SH3RF1: variants seen among roughly 807,000 people sequenced by gnomAD.
SH3RF1 encodes SH3 domain containing ring finger 1.
A neutral mutation model predicts 74.0 loss-of-function variants in SH3RF1; 32 were observed. The ratio of observed to expected loss-of-function variants is 0.43; its 90% confidence interval spans 0.33 to 0.58. The LOEUF is 0.58. SH3RF1 is among the 20% of genes least tolerant of loss of function. SH3RF1 has a pLI of 0.05. For missense variants in SH3RF1, 954 were observed against 1,130.9 expected (o/e 0.84, Z 2.24); for synonymous variants, 396 against 439.6 (o/e 0.90, Z 1.24).
rs867549760 is a variant in SH3RF1 at position 169,117,595 on chromosome 4, G to A, written c.1705C>T (p.Pro569Ser). ...VVSAAHIQTS[P>S]QAKVLLHMTG... ...ATGTGCAACAAGACCTTAGCCTGAG[G>A]ACTTGTCTGGATGTGAGCTGCTGAT... The change falls in exon 9 of 12, where the codon CCT becomes TCT. Residue 569 changes from proline (P) to serine (S), a missense_variant. Coordinates refer to ENST00000284637, the MANE Select transcript of SH3RF1 (RefSeq NM_020870.4). 5 of 1,614,100 alleles carry A rather than the reference G, an allele frequency of 3.1e-6. No homozygotes were observed. Among genetic ancestry groups the A allele is most frequent in the Middle Eastern group, 1.6e-4 (1 of 6,084 alleles).
chr4:169,178,658 G>A (rs1012116509), intron 2 of SH3RF1, among the ~76,000 whole-genome samples: 1 of 152,126 alleles, frequency 6.6e-6, no homozygotes, highest in African/African-American at 2.4e-5. Context: ...GGGATCTGAG[G>A]TGCCAAAATT....
intron 2 of SH3RF1, among the ~76,000 whole-genome samples, chr4:169,167,403 T>G (rs1734265594): frequency 6.6e-6 from 1 of 152,168 alleles, no homozygotes; most frequent in African/African-American, 2.4e-5. Context: ...TCTTATAAAG[T>G]TATATGTACA....
At position 169,269,083 on chromosome 4, in the gene SH3RF1, G is replaced by C; in HGVS notation, c.130C>G (p.Arg44Gly). ...CACTCGGGACATCTGAGTTCATTTC[G>C]AGAACCTACGATCCCCAGCAAACAT... ...KRCLLGIVGS[R>G]NELRCPECRT... Residue 44 changes from arginine to glycine, a missense_variant, in exon 2 of 12, where the codon CGA (arginine) becomes GGA (glycine). Physicochemically the swap from Arg to Gly is moderately radical, Grantham distance 125. Around this residue, in one of 3 missense-constraint regions of SH3RF1, gnomAD observed 64 missense variants for 101.9 expected, o/e 0.63. Transcript: ENST00000284637. 1 of 1,614,150 alleles carries C rather than the reference G, an allele frequency of 6.2e-7. No individual in the cohort carries two copies. The highest frequency in any genetic ancestry group is 8.5e-7 in the Non-Finnish European group (1 of 1,180,044).
chr4:169,160,855 C>T (rs1734139229), intron 2 of SH3RF1, among the ~76,000 whole-genome samples: 1 of 152,244 alleles, frequency 6.6e-6, no homozygotes, highest in Admixed American at 6.5e-5. Context: ...CCTTTTGCAA[C>T]ATCTGAAAGA....
intron 1 of SH3RF1, among the ~76,000 whole-genome samples, 182 bp from the exon 2 acceptor site, chr4:169,269,489 T>C (rs1434734270): frequency 1.3e-5 from 2 of 152,186 alleles, no homozygotes; most frequent in Non-Finnish European, 1.5e-5. Context: ...CAAAACAGGC[T>C]TTCTAAACAA....
At chr4:169,235,151 A>G (rs1268499927) in intron 2 of SH3RF1, among the ~76,000 whole-genome samples, 1 of 152,208 alleles carries the variant, frequency 6.6e-6, no homozygotes, top group Non-Finnish European at 1.5e-5. Context: ...TTAAAATAGA[A>G]TTCCTATAAT....
chr4:169,176,417 T>C (rs1272435411), intron 2 of SH3RF1, among the ~76,000 whole-genome samples: 1 of 152,236 alleles, frequency 6.6e-6, no homozygotes, highest in Non-Finnish European at 1.5e-5. Context: ...ACATGTTCAA[T>C]AACAGAAATA....
At chr4:169,112,048 A>G (rs1222952327) in intron 10 of SH3RF1, among the ~76,000 whole-genome samples, 1 of 152,220 alleles carries the variant, frequency 6.6e-6, no homozygotes, top group African/African-American at 2.4e-5. Context: ...CAGCAGCAGT[A>G]ACCCACTGCA....
In SH3RF1 at chr4:169,096,235, C is replaced by T; in HGVS notation, c.*284G>A. On this transcript the variant is annotated 3_prime_UTR_variant, in exon 12 of 12. Coordinates refer to ENST00000284637, the MANE Select transcript of SH3RF1 (RefSeq NM_020870.4). ...TTAGTTAAGCCTTGTAAACAATTGT[C>T]CATTTTAGTCATATATCTTAAAAAA... 3.3e-6 allele frequency: 1 copy of T among 306,396 alleles called. No homozygotes were observed. The highest frequency in any genetic ancestry group is 5.9e-6 in the Non-Finnish European group (1 of 169,032). The allele number at this position is 306,396 out of a possible 1,614,324, so 19.0% of individuals were successfully genotyped here. A position where few individuals can be genotyped will look rare whatever the true frequency, so the allele number is the denominator to read the frequency against.
chr4:169,222,253 C>G (rs935640713), intron 2 of SH3RF1, among the ~76,000 whole-genome samples: 7 of 152,054 alleles, frequency 4.6e-5, no homozygotes, highest in Admixed American at 4.6e-4. Flanking sequence ...CACTTGAGAT[C>G]GGGAGTTGGA....
intron 2 of SH3RF1, among the ~76,000 whole-genome samples, chr4:169,197,757 A>G (rs1734840887): frequency 6.6e-6 from 1 of 152,094 alleles, no homozygotes; most frequent in Non-Finnish European, 1.5e-5. Context: ...TTATAAAATC[A>G]CAAATTCAAA....
At chr4:169,117,404 G>C in intron 9 of SH3RF1, 119 bp downstream of exon 9, 2 of 1,445,928 alleles carry the variant, frequency 1.4e-6, no homozygotes, top group Non-Finnish European at 1.9e-6. Context: ...AGTAGACTTT[G>C]CCTAATGTTG....
intron 2 of SH3RF1, among the ~76,000 whole-genome samples, chr4:169,198,804 A>C (rs1734863498): frequency 6.6e-6 from 1 of 152,208 alleles, no homozygotes; most frequent in Non-Finnish European, 1.5e-5. Flanking sequence ...TAGGCTGAAA[A>C]CAGACTTCAA....
At chr4:169,191,702 C>A (rs1222165091) in intron 2 of SH3RF1, among the ~76,000 whole-genome samples, 1 of 152,092 alleles carries the variant, frequency 6.6e-6, no homozygotes, top group Non-Finnish European at 1.5e-5. Flanking sequence ...GCCACATAGA[C>A]CAATGGAACA....
intron 2 of SH3RF1, among the ~76,000 whole-genome samples, chr4:169,243,186 A>G (rs2110736907): frequency 6.6e-6 from 1 of 152,338 alleles, no homozygotes; most frequent in African/African-American, 2.4e-5. Flanking sequence ...CAATAAAAAT[A>G]CCAAAAGGCA....
intron 2 of SH3RF1, among the ~76,000 whole-genome samples, chr4:169,167,436 T>C (rs1734266191): frequency 2.0e-5 from 3 of 152,190 alleles, no homozygotes; most frequent in Admixed American, 2.0e-4. Flanking sequence ...TCTACCCCTC[T>C]TAGGTATTAA....
chr4:169,239,153 T>C (rs1298168490), intron 2 of SH3RF1, among the ~76,000 whole-genome samples: 2 of 152,208 alleles, frequency 1.3e-5, no homozygotes, highest in Non-Finnish European at 2.9e-5. Context: ...ACCTCCTTCC[T>C]CAACTTGGAA....
chr4:169,228,519 A>C (rs116366000), intron 2 of SH3RF1, among the ~76,000 whole-genome samples: 1,544 of 152,168 alleles, frequency 0.01, 30 homozygotes, highest in African/African-American at 0.035. Flanking sequence ...TCATCACATA[A>C]CATCACTCGG....
At chr4:169,246,364 C>A (rs1360988920) in intron 2 of SH3RF1, among the ~76,000 whole-genome samples, 1 of 152,294 alleles carries the variant, frequency 6.6e-6, no homozygotes, top group East Asian at 1.9e-4. Flanking sequence ...ATTTCCACCT[C>A]GGTGTGCTAT....
Sources: allele counts gnomAD v4.1 joint callset (sites outside exome capture counted in the v4.1 genomes callset), GRCh38; gene constraint gnomAD v4.1.1; regional missense constraint gnomAD v4.1.1; transcripts MANE v1.5; gene names NCBI Gene and HGNC (gene_info 2026-07-23, HGNC 2026-07-21).